The following PML variants were observed in gnomAD, a reference collection of about 807,000 sequenced individuals.
The protein encoded by PML is protein PML.
Under a neutral mutation model 65.2 loss-of-function variants are expected in PML, and 28 were observed. That is an observed-to-expected ratio of 0.43 (90% CI 0.32 to 0.59). The LOEUF is 0.59. Among genes scored for constraint, PML ranks in the 20% least tolerant of loss-of-function variants. The probability of loss-of-function intolerance (pLI) is 0.08; values close to 1 mark genes in which losing one functional copy is unlikely to be tolerated. For synonymous variants in PML, 500 were observed against 508.8 expected, an observed-to-expected ratio of 0.98 and a Z score of 0.23; for missense variants, 1,021 against 1,203.4, an observed-to-expected ratio of 0.85 and a Z score of 2.24.
At chr15:74,018,378 TAA>T (rs2070692280) in intron 2 of PML, among the ~76,000 whole-genome samples, 1 of 152,080 alleles carries the variant, frequency 6.6e-6, no homozygotes, top group Non-Finnish European at 1.5e-5. Context: ...ATACTTTGGT[TAA>T]GTTTCAAAAA....
At chr15:74,034,244 G>T in intron 6 of PML, 1 of 599,124 alleles carries the variant, frequency 1.7e-6, no homozygotes. Context: ...TAACTTAATT[G>T]AATATTCATA....
intron 4 of PML, chr15:74,025,954 G>GGA: frequency 6.6e-6 from 1 of 152,482 alleles, no homozygotes; most frequent in Non-Finnish European, 1.5e-5. Flanking sequence ...ATGACCCATA[G>GGA]GAGAGAGAGA....
intron 2 of PML, among the ~76,000 whole-genome samples, chr15:74,007,667 T>A (rs111473669): frequency 2.0e-5 from 3 of 152,228 alleles, no homozygotes; most frequent in Admixed American, 2.0e-4. Flanking sequence ...ACTCGGGGTG[T>A]CTGCCCTGGG....
At chr15:74,036,020 C>A in intron 7 of PML, 1 of 1,614,110 alleles carries the variant, frequency 6.2e-7, no homozygotes, top group Non-Finnish European at 8.5e-7. Context: ...CCTCCTCCAG[C>A]CCATGCTCTT....
At chr15:74,014,229 G>T (rs1019851041) in intron 2 of PML, among the ~76,000 whole-genome samples, 5 of 152,204 alleles carry the variant, frequency 3.3e-5, no homozygotes, top group African/African-American at 1.2e-4. Flanking sequence ...AAGAACAGAG[G>T]CAGTAGCAGT....
rs1375881614 is a variant in PML at position 74,042,761 on chromosome 15, A to G, written c.1711-228A>G. On this transcript the variant is annotated intron_variant, in intron 7 of 8. Coordinates refer to ENST00000268058, the MANE Select transcript of PML (RefSeq NM_033238.3). The surrounding 1 kb of genome is among the most constrained non-coding windows in gnomAD (Gnocchi z 5.3). ...GTGTGTCACCCTTCCTCCCCTACTC[A>G]TGAGGGTGTATGCCCTGGTTCATAC... 1 of 984,956 alleles carries G rather than the reference A, an allele frequency of 1.0e-6. No individual in the cohort carries two copies. The highest frequency in any genetic ancestry group is 1.1e-4 in the East Asian group (1 of 8,808). The allele number at this position is 984,956 out of a possible 1,614,324, so 61.0% of individuals were successfully genotyped here.
chr15:74,000,737 T>C (rs1191811659), intron 2 of PML, among the ~76,000 whole-genome samples: 2 of 152,086 alleles, frequency 1.3e-5, no homozygotes, highest in Non-Finnish European at 2.9e-5. Context: ...TTTTAATTGA[T>C]TTTTTTTCGC....
rs894543844 is a variant in PML, at chr15:74,037,114, G to A, written c.1710+2584G>A. On this transcript the variant is annotated intron_variant, in intron 7 of 8. Transcript: ENST00000268058. The surrounding 1 kb of genome is among the most constrained non-coding windows in gnomAD (Gnocchi z 4.2). ...GGGAAAACTATGAGTGGTTGCCTGT[G>A]ACTGCTAAGGGCTCCTTGGTGCTCC... 1 of 985,306 alleles carries A rather than the reference G, an allele frequency of 1.0e-6. No homozygotes were observed. The highest frequency in any genetic ancestry group is 1.2e-6 in the Non-Finnish European group (1 of 829,940). 61.0% of individuals were successfully genotyped at this position (985,306 alleles called of 1,614,324 possible).
chr15:74,034,216 T>C (rs2304717), intron 6 of PML: 283,157 of 539,790 alleles, frequency 0.52, 75,824 homozygotes, highest in Non-Finnish European at 0.56. Context: ...AGGGGGCAAA[T>C]TCTGAATTCT....
chr15:74,022,372 A>G (rs904669593), intron 2 of PML, among the ~76,000 whole-genome samples: 5 of 152,208 alleles, frequency 3.3e-5, no homozygotes, highest in African/African-American at 1.2e-4. Flanking sequence ...TATAACGACA[A>G]TTCTCACTCA....
chr15:74,029,129 G>A (rs534269950), intron 4 of PML, among the ~76,000 whole-genome samples: 206 of 152,050 alleles, frequency 1.4e-3, no homozygotes, highest in Middle Eastern at 3.4e-3. Flanking sequence ...CCAGCACCGT[G>A]TAAAAGTTTC....
Position 74,032,020 on chromosome 15 carries a change from C to T in PML, c.1255-552C>T, listed in dbSNP as rs912730693. ...AAGGCTGAGAGGGCAGAGGCAAGGT[C>T]CCAGGGAGGCCAGTTTCAGCTCAAT... On this transcript the variant is annotated intron_variant, in intron 4 of 8. Transcript: ENST00000268058. Among the ~76,000 whole-genome samples, 51 of 152,148 alleles carry T rather than the reference C, an allele frequency of 3.4e-4. 1 individual carries two copies. The highest frequency in any genetic ancestry group is 1.2e-3 in the African/African-American group (49 of 41,446).
intron 2 of PML, among the ~76,000 whole-genome samples, chr15:74,005,981 G>C (rs1308557821): frequency 6.6e-6 from 1 of 152,182 alleles, no homozygotes; most frequent in Non-Finnish European, 1.5e-5. Context: ...CACCTCTGCT[G>C]TGGGGGTCAG....
chr15:74,044,170 C>T (rs1342541367), intron 8 of PML, 51 bp from the exon 9 acceptor site: 1 of 1,595,420 alleles, frequency 6.3e-7, no homozygotes, highest in Non-Finnish European at 8.6e-7. Flanking sequence ...GCTCCCACCC[C>T]AGAGCTCTCT....
At chr15:74,030,564 G>A (rs769056043) in intron 4 of PML, among the ~76,000 whole-genome samples, 4 of 152,124 alleles carry the variant, frequency 2.6e-5, no homozygotes, top group South Asian at 2.1e-4. Context: ...CAGGAGAATC[G>A]CTTGAACCCA....
intron 1 of PML, among the ~76,000 whole-genome samples, chr15:73,997,298 C>G (rs1347024710): frequency 6.6e-6 from 1 of 152,208 alleles, no homozygotes; most frequent in African/African-American, 2.4e-5. Context: ...GCCTTAGGTT[C>G]CCTGCCTCCA....
At position 73,994,721 on chromosome 15, in the gene PML, A is replaced by T; in HGVS notation, c.-92A>T. 1 of 1,395,276 alleles carries T rather than the reference A, an allele frequency of 7.2e-7. No homozygotes were observed. The highest frequency in any genetic ancestry group is 9.9e-7 in the Non-Finnish European group (1 of 1,006,698). 86.4% of individuals were successfully genotyped at this position (1,395,276 alleles called of 1,614,324 possible). A position where few individuals can be genotyped will look rare whatever the true frequency, so the allele number is the denominator to read the frequency against. On this transcript the variant is annotated 5_prime_UTR_variant, in exon 1 of 9. Transcript: ENST00000268058. ...CGGCACCTCCCCTTTCGGACAGCTC[A>T]AGGGACTCAGCCAACTGGCTCACGC...
At chr15:74,017,353 G>A (rs1055501300) in intron 2 of PML, among the ~76,000 whole-genome samples, 1 of 152,102 alleles carries the variant, frequency 6.6e-6, no homozygotes, top group African/African-American at 2.4e-5. Flanking sequence ...ATGTCCATCA[G>A]TTTGGGCTGC....
chr15:73,997,289 C>T (rs1224735456), intron 1 of PML, among the ~76,000 whole-genome samples: 1 of 152,184 alleles, frequency 6.6e-6, no homozygotes, highest in African/African-American at 2.4e-5. Flanking sequence ...AGGGAATCGG[C>T]CTTAGGTTCC....
Sources: allele counts gnomAD v4.1 joint callset (sites outside exome capture counted in the v4.1 genomes callset), GRCh38; gene constraint gnomAD v4.1.1; non-coding constraint Gnocchi (gnomAD v3.1); transcripts MANE v1.5; gene names NCBI Gene and HGNC (gene_info 2026-07-23, HGNC 2026-07-21).